Variants in SLC16A6 observed in about 807,000 individuals in gnomAD.
SLC16A6 encodes monocarboxylate transporter 7.
Under a neutral mutation model 33.8 loss-of-function variants are expected in SLC16A6, and 15 were observed. That is an observed-to-expected ratio of 0.44 (90% CI 0.30 to 0.68). SLC16A6 has a LOEUF of 0.68. SLC16A6 is among the 30% of genes least tolerant of loss of function. The pLI is 0.10. For synonymous variants in SLC16A6, 219 were observed against 248.4 expected (o/e 0.88, Z 1.11); for missense variants, 451 against 661.5 (o/e 0.68, Z 3.49).
intron 1 of SLC16A6, among the ~76,000 whole-genome samples, chr17:68,288,245 C>A (rs1555754850): frequency 6.6e-6 from 1 of 152,062 alleles, no homozygotes; most frequent in African/African-American, 2.4e-5. Flanking sequence ...TGTGATCCGC[C>A]CGCCTCAGCC....
intron 1 of SLC16A6, among the ~76,000 whole-genome samples, chr17:68,280,452 A>G (rs1555752313): frequency 6.6e-6 from 1 of 152,210 alleles, no homozygotes; most frequent in Non-Finnish European, 1.5e-5. Flanking sequence ...ACACTGACCA[A>G]TGGAACAGAA....
Position 68,278,164 on chromosome 17 carries a change from T to G in SLC16A6, c.157A>C (p.Met53Leu). 1.2e-6 allele frequency: 2 copies of G among 1,614,154 alleles called. No homozygotes were observed. Among genetic ancestry groups the G allele is most frequent in the Non-Finnish European group, 1.7e-6 (2 of 1,180,006 alleles). The change falls in exon 2 of 6, where the codon ATG becomes CTG. Residue 53 changes from methionine (M) to leucine (L), a missense_variant. Physicochemically the swap from Met to Leu is conservative, Grantham distance 15 (BLOSUM62 2). Around this residue, in one of 2 missense-constraint regions of SLC16A6, gnomAD observed 405 missense variants for 510.7 expected, o/e 0.79. Transcript: ENST00000580666. ...KTFGVFFNDL[M>L]DSFNESNSRI... Reference sequence around the variant, plus strand: ...CTATTGGATTCATTAAAACTGTCCATTAAGTCATTAAAGAAGACACCAAAT... The same window carrying G: ...CTATTGGATTCATTAAAACTGTCCAGTAAGTCATTAAAGAAGACACCAAAT...
At chr17:68,284,093 G>A (rs1370097787) in intron 1 of SLC16A6, among the ~76,000 whole-genome samples, 10 of 118,344 alleles carry the variant, frequency 8.4e-5, no homozygotes, top group Non-Finnish European at 1.6e-4. Context: ...AATAGAGTGA[G>A]ACTCTGTCTC....
intron 2 of SLC16A6, among the ~76,000 whole-genome samples, chr17:68,277,856 T>C (rs1246388239): frequency 6.6e-6 from 1 of 152,220 alleles, no homozygotes; most frequent in African/African-American, 2.4e-5. Context: ...GTTTAATACA[T>C]GTGTGTTAAA....
chr17:68,269,791 A>T, intron 5 of SLC16A6, among the ~76,000 whole-genome samples: 1 of 147,176 alleles, frequency 6.8e-6, no homozygotes, highest in Middle Eastern at 3.3e-3. Flanking sequence ...CTCCTGCCTC[A>T]GCCTCCCGAA....
At position 68,271,748 on chromosome 17, in the gene SLC16A6, T is replaced by G; in HGVS notation, c.506-94A>C. The G allele has an allele frequency of 2.1e-6, 2 of 936,394 alleles. No homozygotes were observed. Among genetic ancestry groups the G allele is most frequent in the Non-Finnish European group, 3.2e-6 (2 of 623,664 alleles). The allele number at this position is 936,394 out of a possible 1,614,324, so 58.0% of individuals were successfully genotyped here. The stretch of plus-strand genomic sequence containing the variant: ...ATCAAGAAGAAATATGGATCCAGAT[T>G]TTGTTATAAGTTCTGTGGAAATTTA... On this transcript the variant is annotated intron_variant, in intron 4 of 5. Transcript: ENST00000580666. The surrounding 1 kb of genome is among the most constrained non-coding windows in gnomAD (Gnocchi z 5.3).
chr17:68,279,268 T>TA (rs2075619974), intron 1 of SLC16A6, among the ~76,000 whole-genome samples: 1 of 152,034 alleles, frequency 6.6e-6, no homozygotes, highest in Non-Finnish European at 1.5e-5. Context: ...GTGTTTGAGA[T>TA]ACCATAAGCG....
intron 2 of SLC16A6, among the ~76,000 whole-genome samples, chr17:68,276,972 G>T (rs1235915288): frequency 1.3e-5 from 2 of 152,136 alleles, no homozygotes; most frequent in African/African-American, 4.8e-5. Flanking sequence ...AATCAGTGAA[G>T]TCCTTTAGGG....
At chr17:68,273,146 T>A (rs1332381579) in intron 3 of SLC16A6, among the ~76,000 whole-genome samples, 2 of 152,170 alleles carry the variant, frequency 1.3e-5, no homozygotes, top group Non-Finnish European at 2.9e-5. Context: ...TCTGCAAATC[T>A]TAACAACTGT....
At chr17:68,272,902 C>G (rs1158653804) in intron 3 of SLC16A6, 135 bp from the exon 4 acceptor site, 1 of 1,049,178 alleles carries the variant, frequency 9.5e-7, no homozygotes, top group Admixed American at 2.7e-5. Context: ...TCATTCTGGA[C>G]AAAGGTGATG....
Position 68,268,943 on chromosome 17 carries a change from G to C in SLC16A6, c.*153C>G. ...AAACAAAACAAAACAAAACAAAAGC[G>C]ATGTTGGTAGTGCTCTTCACATACA... On this transcript the variant is annotated 3_prime_UTR_variant, in exon 6 of 6. Transcript: ENST00000580666. 1.4e-6 allele frequency: 2 copies of C among 1,444,318 alleles called. No individual in the cohort carries two copies. The highest frequency in any genetic ancestry group is 1.4e-5 in the South Asian group (1 of 69,396). The allele number at this position is 1,444,318 out of a possible 1,614,324, so 89.5% of individuals were successfully genotyped here. A position where few individuals can be genotyped will look rare whatever the true frequency, so the allele number is the denominator to read the frequency against.
rs2075192268 is a variant in SLC16A6, at chr17:68,267,435, A to AT, written c.*1660dup. The AT allele has an allele frequency of 6.6e-6, 1 of 152,084 alleles. No individual in the cohort carries two copies. The highest frequency in any genetic ancestry group is 2.4e-5 in the African/African-American group (1 of 41,404). The allele number at this position is 152,084 out of a possible 1,614,324, so 9.4% of individuals were successfully genotyped here. On this transcript the variant is annotated 3_prime_UTR_variant, in exon 6 of 6. Transcript: ENST00000580666. ...TCCCCAAAGTTTTATAGATTGTCCT[A>AT]TTTCTATGGCTGATAAGATGCTCTA...
rs2075184751 is a variant in SLC16A6 at position 68,267,184 on chromosome 17, A to C, written c.*1912T>G. The C allele has an allele frequency of 6.6e-6, 1 of 152,226 alleles. No homozygotes were observed. Among genetic ancestry groups the C allele is most frequent in the African/African-American group, 2.4e-5 (1 of 41,460 alleles). 9.4% of individuals were successfully genotyped at this position (152,226 alleles called of 1,614,324 possible). On this transcript the variant is annotated 3_prime_UTR_variant, in exon 6 of 6. Transcript: ENST00000580666. ...ATTGGCATACATTTTGTTTTCATGC[A>C]GATAACAGAATAGACATGGAGCAGA...
intron 2 of SLC16A6, among the ~76,000 whole-genome samples, chr17:68,275,346 T>TC (rs1285261677): frequency 6.6e-6 from 1 of 152,162 alleles, no homozygotes; most frequent in African/African-American, 2.4e-5. Context: ...AAAAAAGGAT[T>TC]CCATTTTTTT....
At chr17:68,282,693 C>T (rs1242220496) in intron 1 of SLC16A6, among the ~76,000 whole-genome samples, 4 of 148,148 alleles carry the variant, frequency 2.7e-5, no homozygotes, top group African/African-American at 1.0e-4. Context: ...CCTGTAATCC[C>T]AGAACTTTGG....
intron 1 of SLC16A6, among the ~76,000 whole-genome samples, chr17:68,289,844 T>A (rs549997733): frequency 6.6e-6 from 1 of 152,328 alleles, no homozygotes; most frequent in Non-Finnish European, 1.5e-5. Flanking sequence ...CTCATTACAC[T>A]GGAAGGAGCT....
In SLC16A6 at chr17:68,272,673, TGTGGAAGCAACTGCA is replaced by T; in HGVS notation, c.456_470del (p.Ala153_Thr157del). 1 of 1,614,168 alleles carries T rather than the reference TGTGGAAGCAACTGCA, an allele frequency of 6.2e-7. No homozygotes were observed. Among genetic ancestry groups the T allele is most frequent in the Non-Finnish European group, 8.5e-7 (1 of 1,180,000 alleles). On this transcript the variant is annotated inframe_deletion, in exon 4 of 6. Transcript: ENST00000580666. ...AAGCAAACACAGCGAAACATTCTCC[TGTGGAAGCAACTGCA>T]GTGACTATGGAACGTCTTTTGCCAA... is the stretch of plus-strand genomic sequence containing the variant.
At chr17:68,282,574 G>T (rs2075726883) in intron 1 of SLC16A6, among the ~76,000 whole-genome samples, 1 of 151,796 alleles carries the variant, frequency 6.6e-6, no homozygotes, top group Admixed American at 6.6e-5. Flanking sequence ...TGAGGCTGGA[G>T]GATTGCTTGA....
intron 1 of SLC16A6, among the ~76,000 whole-genome samples, chr17:68,281,307 G>A (rs963512483): frequency 1.3e-5 from 2 of 152,022 alleles, no homozygotes; most frequent in African/African-American, 2.4e-5. Flanking sequence ...GGTGGCTCAC[G>A]CCTGTAATCC....
Sources: allele counts gnomAD v4.1 joint callset (sites outside exome capture counted in the v4.1 genomes callset), GRCh38; gene constraint gnomAD v4.1.1; regional missense constraint gnomAD v4.1.1; non-coding constraint Gnocchi (gnomAD v3.1); transcripts MANE v1.5; gene names NCBI Gene and HGNC (gene_info 2026-07-23, HGNC 2026-07-21).